The following UGT2B4 variants were observed in gnomAD, a reference collection of about 807,000 sequenced individuals.
The protein encoded by UGT2B4 is UDP-glucuronosyltransferase 2B4.
Under a neutral mutation model 49.8 loss-of-function variants are expected in UGT2B4, and 49 were observed. The ratio of observed to expected loss-of-function variants is 0.98; its 90% confidence interval spans 0.78 to 1.25. UGT2B4 has a LOEUF of 1.25. Among genes scored for constraint, UGT2B4 ranks in the 50% most tolerant of loss-of-function variants. The probability of loss-of-function intolerance (pLI) is 0.00; values close to 1 mark genes in which losing one functional copy is unlikely to be tolerated. For missense variants in UGT2B4, 729 were observed against 627.7 expected (o/e 1.16, Z -1.73); for synonymous variants, 246 against 217.7 (o/e 1.13, Z -1.14).
intron 1 of UGT2B4, among the ~76,000 whole-genome samples, chr4:69,514,342 GGT>G (rs1728678885): frequency 6.6e-6 from 1 of 151,874 alleles, no homozygotes. Context: ...TGCGGTGTTT[GGT>G]TTTTCGTCCT....
intron 2 of UGT2B4, among the ~76,000 whole-genome samples, chr4:69,491,111 C>T (rs1577886092): frequency 6.6e-6 from 1 of 151,898 alleles, no homozygotes; most frequent in African/African-American, 2.4e-5. Flanking sequence ...GGCTTTTGTT[C>T]TATCTTTATA....
chr4:69,503,631 T>A (rs1045964344), intron 1 of UGT2B4, among the ~76,000 whole-genome samples: 4 of 152,090 alleles, frequency 2.6e-5, no homozygotes, highest in African/African-American at 9.7e-5. Context: ...AATCCTCCCA[T>A]AACCTAAGTG....
At chr4:69,488,632 G>T (rs1427755376) in intron 3 of UGT2B4, among the ~76,000 whole-genome samples, 2 of 151,904 alleles carry the variant, frequency 1.3e-5, no homozygotes, top group African/African-American at 4.8e-5. Context: ...GCTTCCTTCT[G>T]CTTGAGTCCT....
intron 1 of UGT2B4, among the ~76,000 whole-genome samples, chr4:69,509,065 G>A (rs11725659): frequency 0.14 from 22,014 of 151,960 alleles, 1,881 homozygotes; most frequent in Non-Finnish European, 0.19. Context: ...TACAGAAGTG[G>A]AAGCATGCAG....
intron 1 of UGT2B4, among the ~76,000 whole-genome samples, chr4:69,501,724 T>A (rs757998921): frequency 6.6e-6 from 1 of 152,176 alleles, no homozygotes; most frequent in South Asian, 2.1e-4. Context: ...AGGGGCAGGC[T>A]GTCATCTTTG....
chr4:69,515,129 C>A (rs1300089331), intron 1 of UGT2B4, among the ~76,000 whole-genome samples: 1 of 152,110 alleles, frequency 6.6e-6, no homozygotes, highest in East Asian at 1.9e-4. Flanking sequence ...AGAAAATTAA[C>A]AAAGGTATTA....
At chr4:69,501,524 T>A (rs1426579575) in intron 1 of UGT2B4, among the ~76,000 whole-genome samples, 2 of 151,552 alleles carry the variant, frequency 1.3e-5, no homozygotes, top group Non-Finnish European at 2.9e-5. Context: ...ATGACTGGGG[T>A]GAAAGTGATA....
At chr4:69,514,852 G>A (rs1336608349) in intron 1 of UGT2B4, among the ~76,000 whole-genome samples, 1 of 152,072 alleles carries the variant, frequency 6.6e-6, no homozygotes, top group African/African-American at 2.4e-5. Context: ...AGAAAATCTA[G>A]AAACAAATGG....
At chr4:69,489,702 A>T (rs1416005090) in intron 2 of UGT2B4, 132 bp from the exon 3 acceptor site, 51 of 1,309,326 alleles carry the variant, frequency 3.9e-5, no homozygotes, top group Non-Finnish European at 5.1e-5. Flanking sequence ...TTTTTAACTG[A>T]CTCAATTACT....
chr4:69,482,826 T>G (rs2109802003), intron 5 of UGT2B4, among the ~76,000 whole-genome samples: 1 of 151,870 alleles, frequency 6.6e-6, no homozygotes, highest in South Asian at 2.1e-4. Flanking sequence ...CAGGCTTGTC[T>G]CGAACTCCTG....
At chr4:69,481,948 T>A (rs1727605917) in intron 5 of UGT2B4, among the ~76,000 whole-genome samples, 1 of 152,226 alleles carries the variant, frequency 6.6e-6, no homozygotes, top group African/African-American at 2.4e-5. Context: ...GACTTTTGCC[T>A]GACTTTTCAT....
intron 1 of UGT2B4, among the ~76,000 whole-genome samples, chr4:69,507,796 C>T (rs537638353): frequency 2.7e-4 from 41 of 152,150 alleles, no homozygotes; most frequent in African/African-American, 5.5e-4. Flanking sequence ...AATATAGACA[C>T]GGGCAAATAT....
rs114210169 is a variant in UGT2B4 at position 69,503,972 on chromosome 4, T to G, written c.-105-8006A>C. Among the ~76,000 whole-genome samples the G allele has an allele frequency of 4.3e-3, 653 of 152,312 alleles. 6 individuals are homozygous for G. The highest frequency in any genetic ancestry group is 0.014 in the African/African-American group (562 of 41,580). Reference sequence around the variant, plus strand: ...TGGTCCAGGAGTTGGGAACAGAATGTTGGTCCCCCAAAATCTTCCAGAAAC... The same window carrying G: ...TGGTCCAGGAGTTGGGAACAGAATGGTGGTCCCCCAAAATCTTCCAGAAAC... On this transcript the variant is annotated intron_variant, in intron 1 of 1. Transcript: ENST00000510114.
intron 4 of UGT2B4, 71 bp downstream of exon 4, chr4:69,486,538 T>C (rs576347623): frequency 9.6e-6 from 10 of 1,046,798 alleles, no homozygotes; most frequent in Non-Finnish European, 1.3e-5. Context: ...AGTAAGCTTG[T>C]TTCATGATAA....
At chr4:69,505,639 G>A (rs535147912) in intron 1 of UGT2B4, among the ~76,000 whole-genome samples, 2 of 152,192 alleles carry the variant, frequency 1.3e-5, no homozygotes, top group South Asian at 2.1e-4. Context: ...TTCCCCCGTG[G>A]CAATATTAAA....
chr4:69,486,331 A>C (rs1341091793), intron 4 of UGT2B4, among the ~76,000 whole-genome samples: 1 of 152,150 alleles, frequency 6.6e-6, no homozygotes, highest in African/African-American at 2.4e-5. Flanking sequence ...AAATATGAGA[A>C]AGGAAGACAA....
chr4:69,508,431 G>A (rs1457167796), intron 1 of UGT2B4, among the ~76,000 whole-genome samples: 1 of 152,098 alleles, frequency 6.6e-6, no homozygotes, highest in African/African-American at 2.4e-5. Context: ...GTTCACAATA[G>A]CAAAGACATG....
intron 1 of UGT2B4, among the ~76,000 whole-genome samples, chr4:69,522,986 A>G (rs28776017): frequency 0.35 from 53,442 of 151,996 alleles, 9,490 homozygotes; most frequent in Non-Finnish European, 0.37. Flanking sequence ...AATTCTCATC[A>G]ATTCAAGTTT....
At chr4:69,525,851 C>T in exon 1 of UGT2B4, 1 of 571,434 alleles carries the variant, frequency 1.7e-6, no homozygotes, top group Admixed American at 4.5e-5. Context: ...CCGTTAATCC[C>T]AGCACTTTGG....
Sources: gnomAD v4.1 joint callset for allele counts (sites outside exome capture counted in the v4.1 genomes callset) on GRCh38, gnomAD v4.1.1 for gene constraint, MANE v1.5 for transcripts, NCBI Gene and HGNC (gene_info 2026-07-23, HGNC 2026-07-21) for gene names.